Variants in CPED1 observed in about 807,000 individuals in gnomAD.
CPED1 encodes the protein cadherin-like and PC-esterase domain-containing protein 1.
Under a neutral mutation model 128.2 loss-of-function variants are expected in CPED1, and 114 were observed. The observed-to-expected ratio is 0.89, with a 90% CI of 0.76 to 1.04. The LOEUF is 1.04. Ranked by LOEUF, CPED1 falls within the 50% of genes least tolerant of loss-of-function variation. The pLI is 0.00. For synonymous variants in CPED1, 462 were observed against 426.7 expected (o/e 1.08, Z -1.02); for missense variants, 1,211 against 1,207.1 (o/e 1.00, Z -0.05).
At chr7:121,110,613 T>C (rs1795086253) in intron 7 of CPED1, among the ~76,000 whole-genome samples, 1 of 152,122 alleles carries the variant, frequency 6.6e-6, no homozygotes. Flanking sequence ...ACTGACTGTG[T>C]AACATGTTGA....
chr7:121,275,389 T>C (rs1465656889), intron 22 of CPED1, among the ~76,000 whole-genome samples: 1 of 152,158 alleles, frequency 6.6e-6, no homozygotes, highest in Admixed American at 6.5e-5. Context: ...GTTTTCCTAG[T>C]GTTTACATAG....
intron 3 of CPED1, among the ~76,000 whole-genome samples, chr7:121,038,195 A>G (rs1792952212): frequency 6.6e-6 from 1 of 151,730 alleles, no homozygotes; most frequent in South Asian, 2.1e-4. Flanking sequence ...TGGTGAAAGT[A>G]GGCATCTTTT....
rs187075488 is a variant in CPED1, at chr7:121,159,075, C to T, written c.2055+16934C>T. The stretch of plus-strand genomic sequence containing the variant: ...AACATGTGTAAACAATTATGAATAT[C>T]TAAACCATACTGGTATTGGTTTTCA... On this transcript the variant is annotated intron_variant, in intron 16 of 22. Coordinates refer to ENST00000310396, the MANE Select transcript of CPED1 (RefSeq NM_024913.5). Among the ~76,000 whole-genome samples, 236 of 152,254 alleles carry T rather than the reference C, an allele frequency of 1.6e-3. 1 individual carries two copies. The highest frequency in any genetic ancestry group is 6.8e-3 in the Middle Eastern group (2 of 294).
intron 6 of CPED1, among the ~76,000 whole-genome samples, chr7:121,099,149 TA>T (rs1169633575): frequency 6.6e-6 from 1 of 151,842 alleles, no homozygotes; most frequent in Non-Finnish European, 1.5e-5. Context: ...GTCCACTATT[TA>T]AAAACTTAAC....
intron 16 of CPED1, among the ~76,000 whole-genome samples, chr7:121,147,274 T>G (rs1333229593): frequency 6.6e-6 from 1 of 152,168 alleles, no homozygotes; most frequent in Non-Finnish European, 1.5e-5. Flanking sequence ...CAGCTCTTTA[T>G]TCTATTCATT....
intron 22 of CPED1, among the ~76,000 whole-genome samples, chr7:121,282,289 CTAT>C (rs769871656): frequency 1.3e-5 from 2 of 152,034 alleles, no homozygotes; most frequent in Non-Finnish European, 2.9e-5. Context: ...TTGTTGTTTA[CTAT>C]TATTATTATG....
At chr7:121,268,799 C>T (rs1792180913) in intron 21 of CPED1, among the ~76,000 whole-genome samples, 2 of 151,940 alleles carry the variant, frequency 1.3e-5, no homozygotes, top group African/African-American at 4.8e-5. Context: ...CTCCACCACT[C>T]CCTCCTCTGG....
intron 18 of CPED1, among the ~76,000 whole-genome samples, chr7:121,260,152 A>G (rs1791978314): frequency 6.7e-6 from 1 of 148,750 alleles, no homozygotes; most frequent in Non-Finnish European, 1.5e-5. Flanking sequence ...ATGGCAATGT[A>G]GACAAATAAT....
intron 16 of CPED1, among the ~76,000 whole-genome samples, chr7:121,176,851 T>C (rs188688732): frequency 6.6e-6 from 1 of 152,232 alleles, no homozygotes; most frequent in East Asian, 1.9e-4. Flanking sequence ...AGGTTATTTA[T>C]ATTCTTTCTA....
chr7:121,246,946 G>T (rs1237303296), intron 18 of CPED1, among the ~76,000 whole-genome samples: 1 of 152,158 alleles, frequency 6.6e-6, no homozygotes, highest in African/African-American at 2.4e-5. Flanking sequence ...ATTCAAATTT[G>T]CCAACACACT....
At chr7:121,227,201 T>C (rs537872342) in intron 16 of CPED1, among the ~76,000 whole-genome samples, 7 of 152,148 alleles carry the variant, frequency 4.6e-5, no homozygotes, top group African/African-American at 1.4e-4. Context: ...TGTTCTCCCC[T>C]TTTTTCTCTA....
At chr7:121,052,490 CT>C (rs1793381082) in intron 4 of CPED1, among the ~76,000 whole-genome samples, 1 of 152,100 alleles carries the variant, frequency 6.6e-6, no homozygotes, top group African/African-American at 2.4e-5. Context: ...CCTTCACCAT[CT>C]TTTCCTGAAA....
chr7:121,235,793 AG>A (rs778540927), intron 16 of CPED1, among the ~76,000 whole-genome samples: 5 of 152,144 alleles, frequency 3.3e-5, no homozygotes, highest in Non-Finnish European at 7.4e-5. Context: ...AAGGAAACAA[AG>A]GGGGAGCTGA....
intron 7 of CPED1, among the ~76,000 whole-genome samples, chr7:121,110,969 G>A (rs1022403343): frequency 8.5e-5 from 13 of 152,186 alleles, no homozygotes; most frequent in African/African-American, 2.2e-4. Context: ...TGGTGTTGGG[G>A]TGTGAGAGGC....
At chr7:121,253,427 T>C (rs575552335) in intron 18 of CPED1, among the ~76,000 whole-genome samples, 56 of 151,798 alleles carry the variant, frequency 3.7e-4, no homozygotes, top group Non-Finnish European at 6.0e-4. Context: ...CAAACCTGCA[T>C]GGTGTGCACA....
intron 5 of CPED1, among the ~76,000 whole-genome samples, chr7:121,069,621 G>A (rs561994932): frequency 6.6e-6 from 1 of 152,028 alleles, no homozygotes; most frequent in Non-Finnish European, 1.5e-5. Flanking sequence ...CACATCCACG[G>A]AATTTTTACT....
At chr7:121,294,254 A>G (rs569847121) in intron 22 of CPED1, among the ~76,000 whole-genome samples, 1 of 152,334 alleles carries the variant, frequency 6.6e-6, no homozygotes, top group South Asian at 2.1e-4. Context: ...CATGAATGAA[A>G]TCACAAGAAA....
intron 2 of CPED1, among the ~76,000 whole-genome samples, chr7:121,007,068 C>T (rs1029370884): frequency 6.6e-6 from 1 of 151,988 alleles, no homozygotes; most frequent in Non-Finnish European, 1.5e-5. Flanking sequence ...AAACACTGTC[C>T]TTGTGTTCTT....
intron 18 of CPED1, among the ~76,000 whole-genome samples, chr7:121,250,984 T>C (rs1172926663): frequency 6.6e-6 from 1 of 152,066 alleles, no homozygotes; most frequent in Admixed American, 6.6e-5. Context: ...AGCATCATCC[T>C]GATACTGGCC....
Sources: allele counts gnomAD v4.1 joint callset (sites outside exome capture counted in the v4.1 genomes callset), GRCh38; gene constraint gnomAD v4.1.1; transcripts MANE v1.5; gene names NCBI Gene and HGNC (gene_info 2026-07-23, HGNC 2026-07-21).